Variants in RMDN2 observed in about 807,000 individuals in gnomAD.
RMDN2 encodes the protein regulator of microtubule dynamics 2.
RMDN2 carries 61 observed loss-of-function variants against 52.8 expected under a neutral mutation model. That is an observed-to-expected ratio of 1.16 (90% CI 0.94 to 1.43). The LOEUF is 1.43. Among genes scored for constraint, RMDN2 ranks in the 40% most tolerant of loss-of-function variants. RMDN2 has a pLI of 0.00. For synonymous variants in RMDN2, 180 were observed against 153.1 expected, an observed-to-expected ratio of 1.18 and a Z score of -1.30; for missense variants, 592 against 475.3, an observed-to-expected ratio of 1.25 and a Z score of -2.28.
chr2:37,935,940 G>T (rs965122738), intron 2 of RMDN2, among the ~76,000 whole-genome samples: 2 of 152,080 alleles, frequency 1.3e-5, no homozygotes, highest in African/African-American at 4.8e-5. Flanking sequence ...GGATACATGT[G>T]CAGAACGTGC....
chr2:37,925,894 G>A (rs1666240914), intron 1 of RMDN2, among the ~76,000 whole-genome samples: 1 of 142,762 alleles, frequency 7.0e-6, no homozygotes, highest in African/African-American at 3.1e-5. Flanking sequence ...AAAAACGAAG[G>A]CCGGATTATC....
At chr2:37,977,322 G>A (rs1046911184) in intron 4 of RMDN2, among the ~76,000 whole-genome samples, 2 of 152,146 alleles carry the variant, frequency 1.3e-5, no homozygotes, top group Admixed American at 6.5e-5. Flanking sequence ...AACCGCCATC[G>A]TCATCATGGC....
chr2:37,986,853 C>A (rs1266906167), intron 5 of RMDN2, among the ~76,000 whole-genome samples: 2 of 151,890 alleles, frequency 1.3e-5, no homozygotes, highest in Admixed American at 6.6e-5. Flanking sequence ...AGGAAACATA[C>A]AGCTAACATT....
At chr2:37,969,512 T>G (rs1178748587) in intron 2 of RMDN2, among the ~76,000 whole-genome samples, 1 of 151,658 alleles carries the variant, frequency 6.6e-6, no homozygotes, top group Non-Finnish European at 1.5e-5. Flanking sequence ...TTTTCTTGTT[T>G]TATAGAGTAT....
intron 10 of RMDN2, among the ~76,000 whole-genome samples, chr2:38,009,130 C>G (rs1226405091): frequency 6.6e-6 from 1 of 152,146 alleles, no homozygotes; most frequent in Non-Finnish European, 1.5e-5. Flanking sequence ...CTCTGGCTGC[C>G]CTTAACATTT....
intron 10 of RMDN2, chr2:38,066,906 A>C (rs1682306846): frequency 3.5e-6 from 5 of 1,433,358 alleles, no homozygotes; most frequent in Non-Finnish European, 4.9e-6. Context: ...CTGGCTGCTA[A>C]AGTGAGGTTC....
chr2:38,027,965 C>A (rs1185889559), intron 10 of RMDN2: 1 of 152,142 alleles, frequency 6.6e-6, no homozygotes, highest in Non-Finnish European at 1.5e-5. Flanking sequence ...TTAAAACATC[C>A]CAGATATAAT....
At chr2:37,934,679 G>A (rs1191858534) in intron 2 of RMDN2, among the ~76,000 whole-genome samples, 1 of 152,082 alleles carries the variant, frequency 6.6e-6, no homozygotes, top group Non-Finnish European at 1.5e-5. Flanking sequence ...TTTTTAGGGA[G>A]GATGATATCA....
At chr2:37,931,360 G>A (rs1281183468) in intron 2 of RMDN2, among the ~76,000 whole-genome samples, 3 of 152,220 alleles carry the variant, frequency 2.0e-5, no homozygotes, top group Non-Finnish European at 2.9e-5. Flanking sequence ...ATCATTGAGA[G>A]TTATCGAAGA....
intron 10 of RMDN2, among the ~76,000 whole-genome samples, chr2:38,042,462 TCAG>T (rs1681029027): frequency 7.1e-6 from 1 of 140,370 alleles, no homozygotes; most frequent in South Asian, 2.3e-4. Flanking sequence ...CACACACACA[TCAG>T]GTTTTGGTTT....
chr2:37,987,743 A>C (rs989756256), intron 5 of RMDN2, among the ~76,000 whole-genome samples: 1 of 152,120 alleles, frequency 6.6e-6, no homozygotes, highest in African/African-American at 2.4e-5. Flanking sequence ...CAAATGTACC[A>C]CTGTGAAGTG....
intron 10 of RMDN2, among the ~76,000 whole-genome samples, chr2:38,050,970 C>G (rs555930214): frequency 4.3e-4 from 65 of 152,232 alleles, no homozygotes; most frequent in African/African-American, 1.5e-3. Flanking sequence ...ACCATATTGG[C>G]CAGGCTGGTC....
At chr2:38,044,457 A>C (rs1182398540) in intron 10 of RMDN2, among the ~76,000 whole-genome samples, 9 of 152,036 alleles carry the variant, frequency 5.9e-5, no homozygotes, top group Non-Finnish European at 1.2e-4. Context: ...TAGTACTTCA[A>C]ATATATCTTC....
intron 2 of RMDN2, chr2:37,950,215 G>C (rs1179161490): frequency 2.7e-6 from 1 of 371,336 alleles, no homozygotes; most frequent in African/African-American, 2.1e-5. Context: ...ATGGTCCAAG[G>C]TGAGAGAGAT....
At chr2:38,007,912 T>A (rs1306296955) in intron 10 of RMDN2, among the ~76,000 whole-genome samples, 2 of 152,220 alleles carry the variant, frequency 1.3e-5, no homozygotes, top group African/African-American at 4.8e-5. Context: ...TGTATCTTTG[T>A]TCTCGTTGGT....
At chr2:37,947,907 T>C (rs1203148730) in intron 2 of RMDN2, among the ~76,000 whole-genome samples, 3 of 152,190 alleles carry the variant, frequency 2.0e-5, no homozygotes, top group African/African-American at 7.2e-5. Context: ...TCCCCGTGTG[T>C]AATGTAGATT....
At chr2:37,970,126 T>C (rs990132470) in intron 2 of RMDN2, among the ~76,000 whole-genome samples, 3 of 152,154 alleles carry the variant, frequency 2.0e-5, no homozygotes, top group African/African-American at 7.2e-5. Flanking sequence ...AGAGACAGTG[T>C]TTTGCCATGT....
chr2:38,029,235 G>A (rs539048305), intron 10 of RMDN2: 12 of 152,222 alleles, frequency 7.9e-5, no homozygotes, highest in African/African-American at 2.9e-4. Flanking sequence ...GGGATTGAGT[G>A]CTGCTTGAAA....
chr2:38,043,575 C>T (rs111425734), intron 10 of RMDN2, among the ~76,000 whole-genome samples: 260 of 152,024 alleles, frequency 1.7e-3, no homozygotes, highest in African/African-American at 6.1e-3. Context: ...TTTTCATCTT[C>T]CCCTCTTCTT....
Sources: gnomAD v4.1 joint callset for allele counts (sites outside exome capture counted in the v4.1 genomes callset) on GRCh38, gnomAD v4.1.1 for gene constraint, MANE v1.5 for transcripts, NCBI Gene and HGNC (gene_info 2026-07-23, HGNC 2026-07-21) for gene names.